TTC17: variants seen among roughly 807,000 people sequenced by gnomAD.
TTC17 encodes the protein tetratricopeptide repeat protein 17.
Under a neutral mutation model 143.8 loss-of-function variants are expected in TTC17, and 58 were observed. That is an observed-to-expected ratio of 0.40 (90% CI 0.33 to 0.50). The LOEUF is 0.50. TTC17 is among the 20% of genes least tolerant of loss of function. The pLI is 0.49. For missense variants in TTC17, 1,273 were observed against 1,392.5 expected, an observed-to-expected ratio of 0.91 and a Z score of 1.37; for synonymous variants, 501 against 497.8, an observed-to-expected ratio of 1.01 and a Z score of -0.09.
chr11:43,375,160 C>T (rs1284608733), intron 1 of TTC17, among the ~76,000 whole-genome samples: 1 of 152,168 alleles, frequency 6.6e-6, no homozygotes, highest in Non-Finnish European at 1.5e-5. Context: ...CATGTAGATA[C>T]AAGATGGCTA....
intron 16 of TTC17, among the ~76,000 whole-genome samples, chr11:43,432,989 G>GTGTTTTGTTT (rs58503177): frequency 0.058 from 8,739 of 151,062 alleles, 850 homozygotes; most frequent in African/African-American, 0.2. Context: ...GGTTTTTTGG[G>GTGTTTTGTTT]TGTTTTGTTT....
rs1017471807 is a variant in TTC17, at chr11:43,359,213, C to A, written c.159+100C>A. 4 of 1,389,724 alleles carry A rather than the reference C, an allele frequency of 2.9e-6. No homozygotes were observed. In the African/African-American group the frequency reaches 6.1e-5, roughly 21 times the overall value. The allele number at this position is 1,389,724 out of a possible 1,614,324, so 86.1% of individuals were successfully genotyped here. ...GTTGGGCTCCGCGCGGCCCCGCCCC[C>A]AGCCTACCCTCACAGGGAGGTGGCA... On this transcript the variant is annotated intron_variant, in intron 1 of 23. Coordinates refer to ENST00000039989, the MANE Select transcript of TTC17 (RefSeq NM_018259.6).
At chr11:43,361,346 A>G (rs1397435784) in intron 1 of TTC17, among the ~76,000 whole-genome samples, 1 of 152,244 alleles carries the variant, frequency 6.6e-6, no homozygotes, top group African/African-American at 2.4e-5. Flanking sequence ...GTATATACAG[A>G]TGCTCCTCAG....
chr11:43,453,504 A>G (rs1947704967), intron 21 of TTC17, among the ~76,000 whole-genome samples: 1 of 152,220 alleles, frequency 6.6e-6, no homozygotes, highest in South Asian at 2.1e-4. Context: ...TGGATTTTAT[A>G]TGCTACCAAA....
intron 10 of TTC17, 119 bp from the exon 11 acceptor site, chr11:43,403,879 C>A: frequency 1.3e-6 from 1 of 767,322 alleles, no homozygotes; most frequent in Non-Finnish European, 2.0e-6. Context: ...TATTACTGAG[C>A]TACTTTCTGA....
chr11:43,432,307 C>T (rs1468829995), intron 16 of TTC17, among the ~76,000 whole-genome samples: 1 of 152,108 alleles, frequency 6.6e-6, no homozygotes, highest in Non-Finnish European at 1.5e-5. Context: ...CCTATTTATG[C>T]AGGAGATATC....
intron 1 of TTC17, among the ~76,000 whole-genome samples, chr11:43,364,798 A>C (rs772090110): frequency 6.6e-6 from 1 of 152,078 alleles, no homozygotes; most frequent in East Asian, 1.9e-4. Context: ...TCAATTTTTT[A>C]AATTTTTATT....
intron 2 of TTC17, among the ~76,000 whole-genome samples, chr11:43,387,273 G>A (rs893864537): frequency 3.3e-5 from 5 of 152,180 alleles, no homozygotes; most frequent in East Asian, 1.9e-4. Flanking sequence ...CAAATAGCCC[G>A]CAGAACCTCA....
rs185344176 is a variant in TTC17, at chr11:43,477,157, A to G, written c.3031-13082A>G. On this transcript the variant is annotated intron_variant, in intron 21 of 23. Coordinates refer to ENST00000039989, the MANE Select transcript of TTC17 (RefSeq NM_018259.6). Reference sequence around the variant, plus strand: ...GTCACCTTTGCTCCAGTTCCCAACAAGTTCCCCATCTGCATCTGAGACCAC... The same window carrying G: ...GTCACCTTTGCTCCAGTTCCCAACAGGTTCCCCATCTGCATCTGAGACCAC... 2.2e-3 allele frequency among the ~76,000 whole-genome samples: 335 copies of G among 152,288 alleles called. 3 individuals are homozygous for G. The highest frequency in any genetic ancestry group is 5.8e-3 in the South Asian group (28 of 4,828).
rs117757931 is a variant in TTC17 at position 43,412,263 on chromosome 11, C to T, written c.2065-2327C>T. ...CTTTGAGAGGCTAAGTGGGGAGGAT[C>T]GCTTGAGCCTAGGAGCTCAGTACCA... On this transcript the variant is annotated intron_variant, in intron 15 of 23. Coordinates refer to ENST00000039989, the MANE Select transcript of TTC17 (RefSeq NM_018259.6). Among the ~76,000 whole-genome samples, 1,087 of 152,128 alleles carry T rather than the reference C, an allele frequency of 7.1e-3. 37 individuals carry two copies. Among genetic ancestry groups the T allele is most frequent in the Admixed American group, 0.046 (699 of 15,270 alleles).
intron 16 of TTC17, chr11:43,436,319 G>A (rs1191993138): frequency 7.8e-7 from 1 of 1,287,988 alleles, no homozygotes; most frequent in Admixed American, 3.6e-5. Flanking sequence ...GGACTCAGAT[G>A]CCCTTAGACT....
rs1012046841 is a variant in TTC17, at chr11:43,490,008, C to G, written c.3031-231C>G. The G allele has an allele frequency of 1.7e-5, 6 of 347,364 alleles. No homozygotes were observed. In the South Asian group the frequency reaches 3.6e-4, roughly 21 times the overall value. The allele number at this position is 347,364 out of a possible 1,614,324, so 21.5% of individuals were successfully genotyped here. ...TGAACTTGGGCAAGACACTTAAGCT[C>G]TCTGAGTCATAGTTTTCTCATTTAT... On this transcript the variant is annotated intron_variant, in intron 21 of 23. Coordinates refer to ENST00000039989, the MANE Select transcript of TTC17 (RefSeq NM_018259.6).
intron 10 of TTC17, among the ~76,000 whole-genome samples, chr11:43,402,286 C>T (rs1422924093): frequency 6.6e-6 from 1 of 152,058 alleles, no homozygotes; most frequent in Non-Finnish European, 1.5e-5. Flanking sequence ...TGAGAGCAAC[C>T]ATGCTATTTG....
At chr11:43,409,706 A>G (rs1858315510) in intron 15 of TTC17, among the ~76,000 whole-genome samples, 1 of 152,228 alleles carries the variant, frequency 6.6e-6, no homozygotes, top group African/African-American at 2.4e-5. Flanking sequence ...GCCACAGGGC[A>G]AATACTCTAG....
chr11:43,472,483 CTA>C (rs1384754718), intron 21 of TTC17, among the ~76,000 whole-genome samples: 7 of 152,050 alleles, frequency 4.6e-5, no homozygotes, highest in African/African-American at 1.7e-4. Flanking sequence ...AAAATGATCA[CTA>C]GGGATATAGA....
chr11:43,435,995 C>T lies in TTC17; in HGVS notation c.2252-7330C>T, dbSNP rs528411981. Among the ~76,000 whole-genome samples, 76 of 152,310 alleles carry T rather than the reference C, an allele frequency of 5.0e-4. 3 individuals are homozygous for T. In the South Asian group the frequency reaches 0.015, roughly 31 times the overall value. On this transcript the variant is annotated intron_variant, in intron 16 of 23. Coordinates refer to ENST00000039989, the MANE Select transcript of TTC17 (RefSeq NM_018259.6). The stretch of plus-strand genomic sequence containing the variant: ...AACTTCAGCGCAAAATCTTGAATCA[C>T]AGTAATGATCTGGCTTTGGGTGCTG...
At chr11:43,492,279 A>C in intron 23 of TTC17, 116 bp downstream of exon 23, 1 of 1,365,958 alleles carries the variant, frequency 7.3e-7, no homozygotes, top group Admixed American at 2.4e-5. Flanking sequence ...CTTGTCTAAA[A>C]TTGCTGGTTC....
intron 15 of TTC17, among the ~76,000 whole-genome samples, chr11:43,412,420 C>G (rs1858458186): frequency 6.6e-6 from 1 of 152,002 alleles, no homozygotes; most frequent in African/African-American, 2.4e-5. Context: ...CCCAGGAGTT[C>G]CAGACCAGCC....
chr11:43,452,788 T>TCA (rs1947688265), intron 21 of TTC17, among the ~76,000 whole-genome samples: 2 of 151,832 alleles, frequency 1.3e-5, no homozygotes, highest in South Asian at 4.2e-4. Flanking sequence ...ATTAAAATGC[T>TCA]CACACACACC....
Sources: allele counts gnomAD v4.1 joint callset (sites outside exome capture counted in the v4.1 genomes callset), GRCh38; gene constraint gnomAD v4.1.1; transcripts MANE v1.5; gene names NCBI Gene and HGNC (gene_info 2026-07-23, HGNC 2026-07-21).